The following ADPRS variants were observed in gnomAD, a reference collection of about 807,000 sequenced individuals.
ADPRS encodes the protein ADP-ribosylhydrolase ARH3.
In ADPRS, 25 loss-of-function variants were observed where a neutral mutation model predicts 32.1. The observed-to-expected ratio is 0.78, with a 90% CI of 0.57 to 1.09. The LOEUF is 1.09. Ranked by LOEUF, ADPRS falls within the 50% of genes least tolerant of loss-of-function variation. ADPRS has a pLI of 0.00. For missense variants in ADPRS, 482 were observed against 480.6 expected, an observed-to-expected ratio of 1.00 and a Z score of -0.03; for synonymous variants, 225 against 201.0, an observed-to-expected ratio of 1.12 and a Z score of -1.01.
intron 5 of ADPRS, 92 bp from the exon 6 acceptor site, chr1:36,093,005 C>A: frequency 7.2e-7 from 1 of 1,386,790 alleles, no homozygotes; most frequent in Non-Finnish European, 9.9e-7. Flanking sequence ...AGATCTTAGT[C>A]ACAGCCTGCT....
In ADPRS at chr1:36,092,468, G is replaced by A. The variant is rs1182405711; in HGVS notation, c.748G>A (p.Gly250Arg). 2 of 1,614,206 alleles carry A rather than the reference G, an allele frequency of 1.2e-6. No homozygotes were observed. Among genetic ancestry groups the A allele is most frequent in the Admixed American group, 1.7e-5 (1 of 60,030 alleles). ...RPYSSRLKKI[G>R]ELLDQASVTR... is the part of the protein sequence containing the mutation. ...ATACTCCAGCCGCCTGAAGAAGATT[G>A]GAGAGCTTCTAGACCAGGCATCGGT... The change falls in exon 5 of 6, where the codon GGA becomes AGA. Residue 250 changes from glycine (G) to arginine (R), a missense_variant. By Grantham distance (125) the Gly-to-Arg change is moderately radical. Coordinates refer to ENST00000373178, the MANE Select transcript of ADPRS (RefSeq NM_017825.3).
chr1:36,093,196 T>C lies in ADPRS; in HGVS notation c.902T>C (p.Leu301Pro), dbSNP rs776323704. 6.2e-7 allele frequency: 1 copy of C among 1,614,172 alleles called. No homozygotes were observed. Among genetic ancestry groups the C allele is most frequent in the South Asian group, 1.1e-5 (1 of 91,088 alleles). ...DPEIPSAFNS[L>P]QRTLIYSISL... ...GAGATCCCTTCTGCCTTCAATAGCC[T>C]CCAAAGGACTCTCATTTATTCCATC... is the stretch of plus-strand genomic sequence containing the variant. Residue 301 changes from leucine (L) to proline (P), a missense_variant, in exon 6 of 6, where the codon CTC (leucine) becomes CCC (proline). By Grantham distance (98) the Leu-to-Pro change is moderately conservative (BLOSUM62 -3). Transcript: ENST00000373178.
rs1643515192 is a variant in ADPRS, at chr1:36,093,508, T to G, written c.*122T>G. 7.6e-7 allele frequency: 1 copy of G among 1,319,266 alleles called. No homozygotes were observed. Among genetic ancestry groups the G allele is most frequent in the East Asian group, 2.4e-5 (1 of 41,080 alleles). The allele number at this position is 1,319,266 out of a possible 1,614,324, so 81.7% of individuals were successfully genotyped here. On this transcript the variant is annotated 3_prime_UTR_variant, in exon 6 of 6. Coordinates refer to ENST00000373178, the MANE Select transcript of ADPRS (RefSeq NM_017825.3). ...TTCCTGCATTGTGGAGCTGACTGAG[T>G]ACACCGGTGAGGCTGGGGTCTCTGC...
At chr1:36,092,820 C>T (rs987465528) in intron 5 of ADPRS, among the ~76,000 whole-genome samples, 5 of 152,232 alleles carry the variant, frequency 3.3e-5, no homozygotes, top group African/African-American at 9.6e-5. Context: ...GACACGATCT[C>T]GCTTCATCCT....
intron 5 of ADPRS, 60 bp downstream of exon 5, chr1:36,092,582 C>A: frequency 6.6e-7 from 1 of 1,517,754 alleles, no homozygotes; most frequent in Admixed American, 1.7e-5. Flanking sequence ...CGGTCTTGGG[C>A]TCAGGGGAGC....
rs61748842 is a variant in ADPRS, at chr1:36,092,017, C to T, written c.624C>T (p.Ser208=). ...TGGCCTTGCAGGGCGAGTCTTCCAG[C>T]GAGCACTTTCTCAAGCAACTCCTGG... The part of the protein sequence containing the change: ...VHLALQGESS[S]EHFLKQLLGH... Residue 208 remains serine, a synonymous_variant, in exon 4 of 6, where the codon AGC becomes AGT. Transcript: ENST00000373178. 19 of 1,613,932 alleles carry T rather than the reference C, an allele frequency of 1.2e-5. No individual in the cohort carries two copies. In the African/African-American group the frequency reaches 1.3e-4, roughly 11 times the overall value.
chr1:36,091,708 CGATGTCTTTGAG>C lies in ADPRS; in HGVS notation c.400_411del (p.Asp134_Glu137del), dbSNP rs1557733590. Reference sequence around the variant, plus strand: ...AGAAGCTCCTGAACCCCAAATGTCGCGATGTCTTTGAGCCTGCCCGGGCCCAGTTTAACGGGA... The same window carrying C: ...AGAAGCTCCTGAACCCCAAATGTCGCCCTGCCCGGGCCCAGTTTAACGGGA... On this transcript the variant is annotated inframe_deletion, in exon 3 of 6. Transcript: ENST00000373178. 1.2e-6 allele frequency: 2 copies of C among 1,613,798 alleles called. No homozygotes were observed. Among genetic ancestry groups the C allele is most frequent in the East Asian group, 4.5e-5 (2 of 44,898 alleles).
intron 5 of ADPRS, 44 bp downstream of exon 5, chr1:36,092,566 C>T: frequency 6.3e-7 from 1 of 1,591,178 alleles, no homozygotes; most frequent in African/African-American, 1.3e-5. Context: ...TGTCGTCCTT[C>T]AGGGTCGGTC....
chr1:36,089,238 G>A, intron 1 of ADPRS, 123 bp downstream of exon 1: 4 of 1,143,616 alleles, frequency 3.5e-6, no homozygotes, highest in Non-Finnish European at 4.6e-6. Context: ...CGGGGCCAGA[G>A]CCGGATGACC....
chr1:36,092,991 C>T, intron 5 of ADPRS, 106 bp from the exon 6 acceptor site: 25 of 1,226,376 alleles, frequency 2.0e-5, no homozygotes, highest in Non-Finnish European at 2.9e-5. Context: ...AACTGTAGAG[C>T]CTGAGATCTT....
At chr1:36,093,075 C>G (rs111850122) in intron 5 of ADPRS, 22 bp from the exon 6 acceptor site, 3 of 1,607,742 alleles carry the variant, frequency 1.9e-6, no homozygotes, top group African/African-American at 2.7e-5. Flanking sequence ...CATGCAGCCC[C>G]TCTAACCTGG....
Position 36,090,679 on chromosome 1 carries a change from C to CA in ADPRS, c.212-539dup, listed in dbSNP as rs10625386. 2.7e-3 allele frequency among the ~76,000 whole-genome samples: 179 copies of CA among 65,354 alleles called. 42 individuals carry two copies. The highest frequency in any genetic ancestry group is 7.4e-3 in the African/African-American group (135 of 18,158). The allele number at this position is 65,354 out of a possible 152,430, so 42.9% of individuals were successfully genotyped here. ...GCAACAGGATGAAACTCCATCTCTA[C>CA]AAAAAAAAAAAAAAAAAAAAAAAAA... On this transcript the variant is annotated intron_variant, in intron 1 of 5. Coordinates refer to ENST00000373178, the MANE Select transcript of ADPRS (RefSeq NM_017825.3).
Position 36,089,133 on chromosome 1 carries a change from C to T in ADPRS, c.211+18C>T, listed in dbSNP as rs1557732346. 7.1e-7 allele frequency: 1 copy of T among 1,402,164 alleles called. No homozygotes were observed. Among genetic ancestry groups the T allele is most frequent in the Non-Finnish European group, 9.3e-7 (1 of 1,079,074 alleles). 86.9% of individuals were successfully genotyped at this position (1,402,164 alleles called of 1,614,324 possible). On this transcript the variant is annotated intron_variant, in intron 1 of 5. Transcript: ENST00000373178. ...GCGGACAGGTGGGCGGGGCCGGGCG[C>T]AAGTCAGAGGCCGTGCGGGAGGGAG...
chr1:36,092,542 A>T lies in ADPRS; in HGVS notation c.802+20A>T, dbSNP rs1643498681. 6.2e-7 allele frequency: 1 copy of T among 1,610,588 alleles called. No homozygotes were observed. ...AGCTAGGTGAGTGGGTCTGCCTGGG[A>T]TTGTCTCTCCCTCTGTCGTCCTTCA... On this transcript the variant is annotated intron_variant, in intron 5 of 5. Transcript: ENST00000373178.
chr1:36,092,491 G>C lies in ADPRS; in HGVS notation c.771G>C (p.Ser257=). ...KKIGELLDQA[S]VTREEVVSEL... ...TTGGAGAGCTTCTAGACCAGGCATCGGTGACCAGGGAGGAAGTGGTGTCTG... is the reference window on the plus strand; with the variant it reads ...TTGGAGAGCTTCTAGACCAGGCATCCGTGACCAGGGAGGAAGTGGTGTCTG... Residue 257 remains serine (S), a synonymous_variant, in exon 5 of 6, where the codon TCG becomes TCC. Coordinates refer to ENST00000373178, the MANE Select transcript of ADPRS (RefSeq NM_017825.3). The C allele has an allele frequency of 6.2e-7, 1 of 1,614,178 alleles. No homozygotes were observed. Among genetic ancestry groups the C allele is most frequent in the South Asian group, 1.1e-5 (1 of 91,082 alleles).
At chr1:36,089,398 G>A (rs1276274324) in intron 1 of ADPRS, among the ~76,000 whole-genome samples, 1 of 152,242 alleles carries the variant, frequency 6.6e-6, no homozygotes, top group Non-Finnish European at 1.5e-5. Context: ...AATACCTGAA[G>A]TGGAAAGTGC....
At position 36,088,963 on chromosome 1, in the gene ADPRS, T is replaced by C; in HGVS notation, c.59T>C (p.Leu20Pro). ...AGGGAGAARSLSRFRGCLAGA... is the reference protein window; with the variant it reads ...AGGGAGAARSPSRFRGCLAGA... ...GGAGGGGCTGGCGCGGCCCGCTCCC[T>C]CTCGCGCTTCCGAGGCTGCCTGGCT... Residue 20 changes from leucine (L) to proline (P), a missense_variant, in exon 1 of 6, where the codon CTC becomes CCC. Coordinates refer to ENST00000373178, the MANE Select transcript of ADPRS (RefSeq NM_017825.3). 1 of 1,501,118 alleles carries C rather than the reference T, an allele frequency of 6.7e-7. No individual in the cohort carries two copies. Among genetic ancestry groups the C allele is most frequent in the Non-Finnish European group, 8.8e-7 (1 of 1,131,030 alleles). 93.0% of individuals were successfully genotyped at this position (1,501,118 alleles called of 1,614,324 possible). A position where few individuals can be genotyped will look rare whatever the true frequency, so the allele number is the denominator to read the frequency against.
In ADPRS at chr1:36,091,333, G is replaced by A. The variant is rs144958655; in HGVS notation, c.301G>A (p.Ala101Thr). 8.1e-6 allele frequency: 13 copies of A among 1,613,924 alleles called. No homozygotes were observed. The highest frequency in any genetic ancestry group is 9.3e-6 in the Non-Finnish European group (11 of 1,179,970). The change falls in exon 2 of 6, where the codon GCT becomes ACT. Residue 101 changes from alanine (A) to threonine (T), a missense_variant. Transcript: ENST00000373178. ...AKEAFDEVDM[A>T]HRFAQEYKKD... ...GGAGGCCTTTGACGAGGTGGACATGGCTCACAGGTGAGGGGGATGGTCCTG... is the reference window on the plus strand; with the variant it reads ...GGAGGCCTTTGACGAGGTGGACATGACTCACAGGTGAGGGGGATGGTCCTG...
chr1:36,092,477 C>G lies in ADPRS; in HGVS notation c.757C>G (p.Leu253Val). ...CCGCCTGAAGAAGATTGGAGAGCTT[C>G]TAGACCAGGCATCGGTGACCAGGGA... ...SSRLKKIGEL[L>V]DQASVTREEV... Residue 253 changes from leucine to valine, a missense_variant, in exon 5 of 6, where the codon CTA becomes GTA. By Grantham distance (32) the Leu-to-Val change is conservative (BLOSUM62 1). Transcript: ENST00000373178. 6.2e-7 allele frequency: 1 copy of G among 1,614,210 alleles called. No homozygotes were observed.
Sources: allele counts gnomAD v4.1 joint callset (sites outside exome capture counted in the v4.1 genomes callset), GRCh38; gene constraint gnomAD v4.1.1; transcripts MANE v1.5; gene names NCBI Gene and HGNC (gene_info 2026-07-23, HGNC 2026-07-21).